Variants in METTL15 observed in about 807,000 individuals in gnomAD.
METTL15 encodes the protein 12S rRNA N(4)-cytidine methyltransferase METTL15.
In METTL15, 34 loss-of-function variants were observed where a neutral mutation model predicts 38.3. That is an observed-to-expected ratio of 0.89 (90% confidence interval 0.68 to 1.18). The LOEUF (loss-of-function observed/expected upper bound fraction) is 1.18. METTL15 is among the 50% of genes most tolerant of loss of function. The probability of loss-of-function intolerance (pLI) is 0.00; values close to 1 mark genes in which losing one functional copy is unlikely to be tolerated. For synonymous variants in METTL15, 162 were observed against 170.9 expected (o/e 0.95, Z 0.41); for missense variants, 438 against 498.4 (o/e 0.88, Z 1.15).
intron 3 of METTL15, among the ~76,000 whole-genome samples, chr11:28,155,698 T>C (rs1188511138): frequency 6.6e-6 from 1 of 152,158 alleles, no homozygotes; most frequent in Non-Finnish European, 1.5e-5. Context: ...ACTGTGTGAG[T>C]TCAAATTCTG....
intron 4 of METTL15, among the ~76,000 whole-genome samples, chr11:28,218,384 C>G (rs1029721149): frequency 2.8e-4 from 43 of 152,230 alleles, no homozygotes; most frequent in African/African-American, 9.9e-4. Context: ...TATAAGAATG[C>G]TTGTGATTTT....
Position 28,362,611 on chromosome 11 carries a change from G to T in METTL15, c.*358+575G>T, listed in dbSNP as rs534919194. On this transcript the variant is annotated intron_variant and NMD_transcript_variant, in intron 5 of 7. Coordinates refer to the METTL15 transcript ENST00000532947. ...TATTTGGCTCTGTGTTTTTGCATTA[G>T]GTCACTTAGAATAATGAATGGTCTT... Among the ~76,000 whole-genome samples the T allele has an allele frequency of 9.2e-4, 140 of 152,224 alleles. 1 individual carries two copies. Among genetic ancestry groups the T allele is most frequent in the African/African-American group, 3.3e-3 (136 of 41,550 alleles).
At chr11:28,157,720 C>T (rs1850311821) in intron 3 of METTL15, among the ~76,000 whole-genome samples, 1 of 152,026 alleles carries the variant, frequency 6.6e-6, no homozygotes, top group Admixed American at 6.6e-5. Context: ...TCGAGCAGGT[C>T]CTGAAGGCAC....
rs564140785 is a variant in METTL15, at chr11:28,455,072, C to G, written c.*424+30708C>G. Among the ~76,000 whole-genome samples the G allele has an allele frequency of 1.1e-3, 172 of 152,190 alleles. 1 individual carries two copies. Among genetic ancestry groups the G allele is most frequent in the Non-Finnish European group, 2.0e-3 (138 of 68,014 alleles). On this transcript the variant is annotated intron_variant and NMD_transcript_variant, in intron 6 of 7. Coordinates refer to the METTL15 transcript ENST00000532947. ...AATCGGAGTTCCAAGATACTCAGGT[C>G]CCCTGAATCCTCCCATATGTATCCA... is the stretch of plus-strand genomic sequence containing the variant.
rs796728507 is a variant in METTL15, at chr11:28,454,594, A to T, written c.*424+30230A>T. On this transcript the variant is annotated intron_variant and NMD_transcript_variant, in intron 6 of 7. Transcript: ENST00000532947. ...TCATTTAGCATGGGCCACTAATGAG[A>T]GTCCAGGTTTCCGTCTACTCATCAA... 3.9e-5 allele frequency among the ~76,000 whole-genome samples: 6 copies of T among 152,290 alleles called. 1 individual carries two copies. Among genetic ancestry groups the T allele is most frequent in the African/African-American group, 1.4e-4 (6 of 41,568 alleles).
intron 4 of METTL15, among the ~76,000 whole-genome samples, chr11:28,235,051 A>G (rs1187632614): frequency 6.6e-6 from 1 of 152,162 alleles, no homozygotes; most frequent in Admixed American, 6.5e-5. Flanking sequence ...AGCACCATTT[A>G]TTAAATAGGG....
At chr11:28,330,354 G>T (rs540488675) in intron 6 of METTL15, 42 bp from the exon 7 acceptor site, 1 of 1,442,194 alleles carries the variant, frequency 6.9e-7, no homozygotes, top group Non-Finnish European at 9.3e-7. Flanking sequence ...AAATATTAAT[G>T]TTACCGGTCT....
At chr11:28,287,341 A>G in intron 4 of METTL15, 1 of 264,872 alleles carries the variant, frequency 3.8e-6, no homozygotes, top group Non-Finnish European at 7.6e-6. Flanking sequence ...AACTGGCAGG[A>G]TGGAAACAGA....
intron 6 of METTL15, among the ~76,000 whole-genome samples, chr11:28,490,759 C>T (rs1030564115): frequency 2.6e-5 from 4 of 152,020 alleles, no homozygotes; most frequent in Non-Finnish European, 4.4e-5. Flanking sequence ...AAAAAATAGT[C>T]CTTATCTGTT....
At chr11:28,378,595 A>G (rs1850347410) in intron 5 of METTL15, among the ~76,000 whole-genome samples, 1 of 152,102 alleles carries the variant, frequency 6.6e-6, no homozygotes, top group Non-Finnish European at 1.5e-5. Flanking sequence ...CTCAGATGGA[A>G]ATGCAGAAAT....
intron 4 of METTL15, among the ~76,000 whole-genome samples, chr11:28,249,016 A>G (rs1854629060): frequency 6.6e-6 from 1 of 151,902 alleles, no homozygotes; most frequent in African/African-American, 2.4e-5. Context: ...CCATTCTGTG[A>G]AGCTATCTCC....
At chr11:28,191,190 AT>A (rs1590132628) in intron 3 of METTL15, among the ~76,000 whole-genome samples, 1 of 151,446 alleles carries the variant, frequency 6.6e-6, no homozygotes, top group Non-Finnish European at 1.5e-5. Flanking sequence ...TTTATTTAAA[AT>A]TTTTATTTAA....
intron 6 of METTL15, among the ~76,000 whole-genome samples, chr11:28,500,602 G>A (rs1308864000): frequency 6.6e-6 from 1 of 151,326 alleles, no homozygotes; most frequent in Non-Finnish European, 1.5e-5. Context: ...GCGAGATCTC[G>A]GCTCACTGCA....
At chr11:28,170,938 A>T (rs1181898125) in intron 3 of METTL15, among the ~76,000 whole-genome samples, 1 of 152,080 alleles carries the variant, frequency 6.6e-6, no homozygotes, top group Non-Finnish European at 1.5e-5. Context: ...CCCAGCCCCT[A>T]TTCAAGATGG....
intron 3 of METTL15, among the ~76,000 whole-genome samples, chr11:28,350,344 A>T (rs1850030355): frequency 1.3e-5 from 2 of 152,216 alleles, no homozygotes; most frequent in African/African-American, 2.4e-5. Flanking sequence ...AAGAACAAAG[A>T]GGGTAGAATT....
intron 5 of METTL15, among the ~76,000 whole-genome samples, chr11:28,368,964 G>A (rs7126055): frequency 0.055 from 8,306 of 151,902 alleles, 400 homozygotes; most frequent in African/African-American, 0.13. Context: ...AGAGCACATG[G>A]ACATAAGGAG....
chr11:28,252,061 T>G (rs947904580), intron 4 of METTL15, among the ~76,000 whole-genome samples: 15 of 152,150 alleles, frequency 9.9e-5, no homozygotes, highest in African/African-American at 3.6e-4. Flanking sequence ...ACAAATTCAT[T>G]TGCTCAACTG....
chr11:28,452,567 C>G (rs962116148), intron 6 of METTL15, among the ~76,000 whole-genome samples: 3 of 152,042 alleles, frequency 2.0e-5, no homozygotes, highest in African/African-American at 7.2e-5. Flanking sequence ...ACAGGAAAAG[C>G]AAATCTAGAA....
At chr11:28,167,872 A>G (rs189114604) in intron 3 of METTL15, among the ~76,000 whole-genome samples, 164 of 152,126 alleles carry the variant, frequency 1.1e-3, no homozygotes, top group African/African-American at 2.2e-3. Context: ...TAACTTTTTT[A>G]TTGAGGTTCT....
Sources: gnomAD v4.1 joint callset for allele counts (sites outside exome capture counted in the v4.1 genomes callset) on GRCh38, gnomAD v4.1.1 for gene constraint, MANE v1.5 for transcripts, NCBI Gene and HGNC (gene_info 2026-07-23, HGNC 2026-07-21) for gene names.